The following HMCN1 variants were observed in gnomAD, a reference collection of about 807,000 sequenced individuals.
HMCN1 encodes the protein hemicentin-1.
Under a neutral mutation model 625.9 loss-of-function variants are expected in HMCN1, and 321 were observed. That is an observed-to-expected ratio of 0.51 (90% CI 0.47 to 0.56). The LOEUF is 0.56. Among genes scored for constraint, HMCN1 ranks in the 20% least tolerant of loss-of-function variants. The pLI is 0.00. For missense variants in HMCN1, 6,588 were observed against 6,887.3 expected (o/e 0.96, Z 1.54); for synonymous variants, 2,425 against 2,417.6 (o/e 1.00, Z -0.09).
At position 185,994,897 on chromosome 1, in the gene HMCN1, G is replaced by T. The variant is rs142902433; in HGVS notation, c.3588G>T (p.Gly1196=). Residue 1196 remains glycine, a synonymous_variant, in exon 24 of 107, where the codon GGG becomes GGT. Transcript: ENST00000271588. ...TGGATATTCCATGTAATGCTCAAGG[G>T]ACTCCTCTTCCTGTAATCACCTGGT... is the stretch of plus-strand genomic sequence containing the variant. ...QRVDIPCNAQ[G]TPLPVITWSK... The T allele has an allele frequency of 5.0e-6, 8 of 1,613,774 alleles. No homozygotes were observed. Among genetic ancestry groups the T allele is most frequent in the Middle Eastern group, 1.6e-4 (1 of 6,062 alleles).
intron 1 of HMCN1, among the ~76,000 whole-genome samples, chr1:185,824,563 A>C (rs73072059): frequency 0.059 from 8,923 of 152,188 alleles, 882 homozygotes; most frequent in African/African-American, 0.2. Flanking sequence ...ATTATCGGGG[A>C]GAATGGACAC....
Position 186,114,843 on chromosome 1 carries a change from C to T in HMCN1, c.11301C>T (p.Phe3767=). The T allele has an allele frequency of 1.2e-6, 2 of 1,614,068 alleles. No homozygotes were observed. Among genetic ancestry groups the T allele is most frequent in the Non-Finnish European group, 1.7e-6 (2 of 1,179,926 alleles). ...HARYSILENG[F]LHIQSAHVTD... is the part of the protein sequence containing the mutation. ...GATATTCCATCTTGGAAAATGGATT[C>T]CTTCATATTCAATCAGCACATGTCA... The change falls in exon 74 of 107, where the codon TTC becomes TTT. Residue 3767 remains phenylalanine (F), a synonymous_variant. Coordinates refer to ENST00000271588, the MANE Select transcript of HMCN1 (RefSeq NM_031935.3).
At position 186,174,615 on chromosome 1, in the gene HMCN1, T is replaced by G. The variant is rs1260901167; in HGVS notation, c.15916T>G (p.Ser5306Ala). Residue 5306 changes from serine to alanine, a missense_variant, in exon 103 of 107, where the codon TCT becomes GCT. Physicochemically the swap from Ser to Ala is moderately conservative, Grantham distance 99. Around this residue, in one of 3 missense-constraint regions of HMCN1, gnomAD observed 1,954 missense variants for 2,013.1 expected, o/e 0.97. Coordinates refer to ENST00000271588, the MANE Select transcript of HMCN1 (RefSeq NM_031935.3). The part of the protein sequence containing the change: ...YRCVCPRGYR[S>A]QGVGRPCMDI... The stretch of plus-strand genomic sequence containing the variant: ...TTGTGTATGCCCAAGAGGTTATCGG[T>G]CTCAAGGAGTTGGAAGACCCTGCAT... The G allele has an allele frequency of 1.2e-6, 2 of 1,613,906 alleles. No homozygotes were observed. The highest frequency in any genetic ancestry group is 8.5e-7 in the Non-Finnish European group (1 of 1,179,914).
At chr1:185,886,908 T>G (rs1191097570) in intron 4 of HMCN1, among the ~76,000 whole-genome samples, 1 of 152,132 alleles carries the variant, frequency 6.6e-6, no homozygotes, top group African/African-American at 2.4e-5. Context: ...CCTTCTAAAA[T>G]CTGGCCTCAC....
chr1:185,810,654 TTGTGTGTGTG>T (rs34235221), intron 1 of HMCN1, among the ~76,000 whole-genome samples: 29 of 147,678 alleles, frequency 2.0e-4, no homozygotes, highest in East Asian at 1.4e-3. Context: ...AATATCAACT[TTGTGTGTGTG>T]TGTGTGTGTG....
chr1:186,086,157 G>T, intron 57 of HMCN1, 89 bp from the exon 58 acceptor site: 1 of 1,193,810 alleles, frequency 8.4e-7, no homozygotes. Flanking sequence ...CAGTCCTTTA[G>T]CAGAGTACAG....
In HMCN1 at chr1:186,132,762, A is replaced by G. The variant is rs1662011463; in HGVS notation, c.13312+353A>G. Among the ~76,000 whole-genome samples, 2 of 151,996 alleles carry G rather than the reference A, an allele frequency of 1.3e-5. 1 individual carries two copies. Among genetic ancestry groups the G allele is most frequent in the African/African-American group, 4.8e-5 (2 of 41,440 alleles). Reference sequence around the variant, plus strand: ...TGCTGCACCCATTAACTCGTCATTTAACATTAGGTATATCTCCAAATGCTA... The same window carrying G: ...TGCTGCACCCATTAACTCGTCATTTGACATTAGGTATATCTCCAAATGCTA... On this transcript the variant is annotated intron_variant, in intron 86 of 106. Coordinates refer to ENST00000271588, the MANE Select transcript of HMCN1 (RefSeq NM_031935.3).
intron 4 of HMCN1, among the ~76,000 whole-genome samples, chr1:185,869,014 T>G (rs547129944): frequency 4.6e-5 from 7 of 152,160 alleles, no homozygotes; most frequent in South Asian, 2.1e-4. Flanking sequence ...GAGGCTTTAT[T>G]TATCTATCCA....
intron 42 of HMCN1, among the ~76,000 whole-genome samples, chr1:186,051,949 G>A (rs1339244601): frequency 6.6e-6 from 1 of 151,956 alleles, no homozygotes; most frequent in Non-Finnish European, 1.5e-5. Flanking sequence ...TGATGGGAAG[G>A]CCTATGGTAT....
At chr1:185,762,092 GA>G (rs1196095082) in intron 1 of HMCN1, among the ~76,000 whole-genome samples, 2 of 151,872 alleles carry the variant, frequency 1.3e-5, no homozygotes, top group African/African-American at 4.8e-5. Context: ...TGCACTCGAG[GA>G]AAAAAAGAGG....
chr1:186,003,962 A>C lies in HMCN1; in HGVS notation c.4475+118A>C. 5.0e-6 allele frequency: 5 copies of C among 1,000,200 alleles called. No homozygotes were observed. In the South Asian group the frequency reaches 7.2e-5, roughly 14 times the overall value. The allele number at this position is 1,000,200 out of a possible 1,614,324, so 62.0% of individuals were successfully genotyped here. ...TTACATAGAATATTATTAAATGAGC[A>C]TACAGGAAAAACAATATTGCTCAAA... On this transcript the variant is annotated intron_variant, in intron 29 of 106. Coordinates refer to ENST00000271588, the MANE Select transcript of HMCN1 (RefSeq NM_031935.3).
intron 37 of HMCN1, 44 bp from the exon 38 acceptor site, chr1:186,038,785 T>TA (rs775863657): frequency 1.6e-6 from 2 of 1,216,954 alleles, no homozygotes; most frequent in East Asian, 2.3e-5. Flanking sequence ...ATATTTAATT[T>TA]AAAAAATTTT....
At position 186,152,847 on chromosome 1, in the gene HMCN1, G is replaced by C; in HGVS notation, c.14994G>C (p.Gln4998His). ...IVVSGYVLQL[Q>H]SPAEVTVKDY... ...TGAGTGGCTATGTCCTACAGCTTCA[G>C]TCACCTGCTGAAGTCACTGTAAAGG... Residue 4998 changes from glutamine to histidine, a missense_variant, in exon 96 of 107, where the codon CAG (glutamine) becomes CAC (histidine). By Grantham distance (24) the Gln-to-His change is conservative. This residue lies in a region of HMCN1 where 1,954 missense variants were observed against 2,013.1 expected (regional missense o/e 0.97). Transcript: ENST00000271588. 1 of 1,613,910 alleles carries C rather than the reference G, an allele frequency of 6.2e-7. No homozygotes were observed. Among genetic ancestry groups the C allele is most frequent in the Non-Finnish European group, 8.5e-7 (1 of 1,179,848 alleles).
At chr1:186,028,507 T>G (rs771580382) in intron 36 of HMCN1, among the ~76,000 whole-genome samples, 46 of 152,176 alleles carry the variant, frequency 3.0e-4, no homozygotes, top group Non-Finnish European at 5.3e-4. Context: ...CATTGGAGCC[T>G]TTCTGGTGTT....
intron 36 of HMCN1, among the ~76,000 whole-genome samples, chr1:186,026,521 A>G (rs950245606): frequency 6.6e-6 from 1 of 152,210 alleles, no homozygotes; most frequent in Non-Finnish European, 1.5e-5. Flanking sequence ...TTCTTGTTCT[A>G]TGTATTAAAA....
rs1377677246 is a variant in HMCN1, at chr1:185,874,913, T to C, written c.621+9050T>C. On this transcript the variant is annotated intron_variant, in intron 4 of 106. Coordinates refer to ENST00000271588, the MANE Select transcript of HMCN1 (RefSeq NM_031935.3). ...AAAGGAGAAAGTCTTCAGGAACTAG[T>C]GAATGCATTTGTGAAAATTTGGCCA... 3.9e-5 allele frequency among the ~76,000 whole-genome samples: 6 copies of C among 151,900 alleles called. No homozygotes were observed. The East Asian group carries it at 9.6e-4, about 24-fold the overall frequency.
intron 97 of HMCN1, among the ~76,000 whole-genome samples, chr1:186,164,350 C>T (rs1651735849): frequency 6.6e-6 from 1 of 151,632 alleles, no homozygotes. Flanking sequence ...CGCCATTCTG[C>T]TGCCTCAGTC....
At chr1:186,169,034 T>C (rs1288747807) in intron 100 of HMCN1, among the ~76,000 whole-genome samples, 1 of 152,178 alleles carries the variant, frequency 6.6e-6, no homozygotes, top group Admixed American at 6.5e-5. Context: ...TTTCTGTTCC[T>C]GTGTTAGTTT....
intron 66 of HMCN1, 56 bp downstream of exon 66, chr1:186,093,725 CT>C: frequency 6.2e-7 from 1 of 1,603,872 alleles, no homozygotes; most frequent in South Asian, 1.1e-5. Flanking sequence ...TGATTGTAGA[CT>C]TTTCCTTCAT....
Sources: allele counts gnomAD v4.1 joint callset (sites outside exome capture counted in the v4.1 genomes callset), GRCh38; gene constraint gnomAD v4.1.1; regional missense constraint gnomAD v4.1.1; transcripts MANE v1.5; gene names NCBI Gene and HGNC (gene_info 2026-07-23, HGNC 2026-07-21).